Variants in SGSM2 observed in about 807,000 individuals in gnomAD.
SGSM2 encodes the protein small G protein signaling modulator 2.
In SGSM2, 89 loss-of-function variants were observed where a neutral mutation model predicts 126.6. That is an observed-to-expected ratio of 0.70 (90% CI 0.59 to 0.84). SGSM2 has a LOEUF of 0.84. Among genes scored for constraint, SGSM2 ranks in the 40% least tolerant of loss-of-function variants. The pLI is 0.00. For synonymous variants in SGSM2, 614 were observed against 574.3 expected (o/e 1.07, Z -0.99); for missense variants, 1,404 against 1,416.6 (o/e 0.99, Z 0.14).
chr17:2,355,681 A>G (rs367800963), intron 2 of SGSM2, among the ~76,000 whole-genome samples: 2 of 576 alleles, frequency 3.5e-3, no homozygotes, highest in Non-Finnish European at 3.2e-3. Context: ...GGGGTGTAAG[A>G]GTTGGGGGAA....
Position 2,364,127 on chromosome 17 carries a change from G to A in SGSM2, c.876G>A (p.Lys292=), listed in dbSNP as rs2065448419. The A allele has an allele frequency of 6.2e-7, 1 of 1,614,080 alleles. No homozygotes were observed. Among genetic ancestry groups the A allele is most frequent in the South Asian group, 1.1e-5 (1 of 91,082 alleles). Residue 292 remains lysine, a synonymous_variant, in exon 8 of 24, where the codon AAG becomes AAA. Coordinates refer to ENST00000268989, the MANE Select transcript of SGSM2 (RefSeq NM_014853.3). ...LHQSAESLTL[K]WTPNQLMNGT... ...AGTCTGCAGAGAGCCTGACTCTGAA[G>A]TGGACCCCCAACCAGCTCATGAATG...
In SGSM2 at chr17:2,337,834, G is replaced by A; in HGVS notation, c.57+89G>A. 9.7e-7 allele frequency: 1 copy of A among 1,029,700 alleles called. No individual in the cohort carries two copies. The allele number at this position is 1,029,700 out of a possible 1,614,324, so 63.8% of individuals were successfully genotyped here. A position where few individuals can be genotyped will look rare whatever the true frequency, so the allele number is the denominator to read the frequency against. The stretch of plus-strand genomic sequence containing the variant: ...AGGTCCGCGCCCACCCCCCGGCGCG[G>A]GCACCCGGGCCGAACCTGGGCCGGG... On this transcript the variant is annotated intron_variant, in intron 1 of 23. Coordinates refer to ENST00000268989, the MANE Select transcript of SGSM2 (RefSeq NM_014853.3). The surrounding 1 kb of genome is among the most constrained non-coding windows in gnomAD (Gnocchi z 5.1).
chr17:2,362,047 G>A lies in SGSM2; in HGVS notation c.297-62G>A, dbSNP rs1242754824. On this transcript the variant is annotated intron_variant, in intron 3 of 23. Coordinates refer to ENST00000268989, the MANE Select transcript of SGSM2 (RefSeq NM_014853.3). This position sits in a 1 kb window ranked among gnomAD's most constrained non-coding sequence, Gnocchi z 4.9. The stretch of plus-strand genomic sequence containing the variant: ...TGGGGTACCAAGCCCCACTCCCAAT[G>A]CCAGCATTCTGGGGTTTACCCCTAG... 1.9e-6 allele frequency: 3 copies of A among 1,547,276 alleles called. No individual in the cohort carries two copies. The African/African-American group carries it at 4.1e-5, about 21-fold the overall frequency.
chr17:2,360,736 A>G (rs1352160883), intron 2 of SGSM2, among the ~76,000 whole-genome samples: 3 of 152,222 alleles, frequency 2.0e-5, no homozygotes, highest in Non-Finnish European at 4.4e-5. Context: ...GTCCGTGTGA[A>G]AAAACCACCT....
chr17:2,342,153 A>C lies in SGSM2; in HGVS notation c.58-1392A>C, dbSNP rs371622418. Among the ~76,000 whole-genome samples the C allele has an allele frequency of 1.8e-4, 28 of 152,030 alleles. 1 individual carries two copies. The South Asian group carries it at 5.6e-3, about 30-fold the overall frequency. On this transcript the variant is annotated intron_variant, in intron 1 of 23. Coordinates refer to ENST00000268989, the MANE Select transcript of SGSM2 (RefSeq NM_014853.3). ...CCCAGGCCGGGTGTGGTGGCGGCTC[A>C]CACCTGTAATCCCAGCACTTTGGGA...
chr17:2,379,281 A>T (rs2066315886), intron 23 of SGSM2, 78 bp downstream of exon 23: 2 of 1,573,220 alleles, frequency 1.3e-6, no homozygotes, highest in East Asian at 4.5e-5. Context: ...ACACAGCTGG[A>T]GGGTTCTCAG....
intron 2 of SGSM2, among the ~76,000 whole-genome samples, chr17:2,352,120 A>T (rs775463067): frequency 6.6e-6 from 1 of 152,136 alleles, no homozygotes; most frequent in African/African-American, 2.4e-5. Context: ...TTCCACCGGC[A>T]GTTGGAGTAA....
intron 2 of SGSM2, among the ~76,000 whole-genome samples, chr17:2,345,423 C>G (rs924592105): frequency 6.6e-6 from 1 of 151,736 alleles, no homozygotes; most frequent in Non-Finnish European, 1.5e-5. Context: ...GGTGAAACCC[C>G]GTCTCTACTA....
rs572752112 is a variant in SGSM2 at position 2,361,839 on chromosome 17, C to T, written c.296+40C>T. 6 of 1,552,832 alleles carry T rather than the reference C, an allele frequency of 3.9e-6. No individual in the cohort carries two copies. The African/African-American group carries it at 4.1e-5, about 11-fold the overall frequency. ...AGCCCCTTCTTCCCTCCTTTCAGCT[C>T]TTCCCACTTGGCAATTGCTACTTCC... On this transcript the variant is annotated intron_variant, in intron 3 of 23. Transcript: ENST00000268989.
rs2065436925 is a variant in SGSM2, at chr17:2,363,914, G to C, written c.808-145G>C. 2 of 971,498 alleles carry C rather than the reference G, an allele frequency of 2.1e-6. No homozygotes were observed. The highest frequency in any genetic ancestry group is 1.6e-5 in the African/African-American group (1 of 61,594). The allele number at this position is 971,498 out of a possible 1,614,324, so 60.2% of individuals were successfully genotyped here. On this transcript the variant is annotated intron_variant, in intron 7 of 23. Coordinates refer to ENST00000268989, the MANE Select transcript of SGSM2 (RefSeq NM_014853.3). The surrounding 1 kb of genome is among the most constrained non-coding windows in gnomAD (Gnocchi z 4.2). ...CAGGGAAACTGAGTCCTGTTTTCCT[G>C]TGCTTCTGCCCCGTCCCTAGTCCAG...
In SGSM2 at chr17:2,340,806, G is replaced by C. The variant is rs147368992; in HGVS notation, c.58-2739G>C. The stretch of plus-strand genomic sequence containing the variant: ...TCACCATGTTAGCCAGGATGGTCTC[G>C]ATCTCCTGACCTCGTGATCCGCCCA... On this transcript the variant is annotated intron_variant, in intron 1 of 23. Coordinates refer to ENST00000268989, the MANE Select transcript of SGSM2 (RefSeq NM_014853.3). Among the ~76,000 whole-genome samples, 333 of 152,108 alleles carry C rather than the reference G, an allele frequency of 2.2e-3. 1 individual carries two copies. Among genetic ancestry groups the C allele is most frequent in the African/African-American group, 4.0e-3 (165 of 41,518 alleles).
chr17:2,345,200 C>T (rs962770945), intron 2 of SGSM2, among the ~76,000 whole-genome samples: 5 of 152,160 alleles, frequency 3.3e-5, no homozygotes, highest in Middle Eastern at 3.2e-3. Flanking sequence ...CAGTGGCTCA[C>T]GCCTGTAATC....
At chr17:2,353,507 A>C (rs1025337201) in intron 2 of SGSM2, among the ~76,000 whole-genome samples, 3 of 152,224 alleles carry the variant, frequency 2.0e-5, no homozygotes, top group African/African-American at 7.2e-5. Flanking sequence ...TCACACCTGT[A>C]ATCCCAGCAC....
At position 2,337,548 on chromosome 17, in the gene SGSM2, T is replaced by TGCGGCG. The variant is rs536747389; in HGVS notation, c.-124_-119dup. On this transcript the variant is annotated 5_prime_UTR_variant, in exon 1 of 24. Coordinates refer to ENST00000268989, the MANE Select transcript of SGSM2 (RefSeq NM_014853.3). This position sits in a 1 kb window ranked among gnomAD's most constrained non-coding sequence, Gnocchi z 5.1. The stretch of plus-strand genomic sequence containing the variant: ...GCGGAGCCGAGCACCGGGCAGTGGC[T>TGCGGCG]GCGGCGGCGGCGGCGGCGGCGGGCC... The TGCGGCG allele has an allele frequency of 8.7e-5, 25 of 286,710 alleles. No individual in the cohort carries two copies. The Admixed American group carries it at 1.0e-3, about 12-fold the overall frequency. The allele number at this position is 286,710 out of a possible 1,614,324, so 17.8% of individuals were successfully genotyped here.
At chr17:2,338,472 C>T (rs568077772) in intron 1 of SGSM2, among the ~76,000 whole-genome samples, 1 of 152,242 alleles carries the variant, frequency 6.6e-6, no homozygotes, top group African/African-American at 2.4e-5. Flanking sequence ...GAATGACTCA[C>T]TCCCATATGA....
At chr17:2,352,114 A>T (rs2064878995) in intron 2 of SGSM2, among the ~76,000 whole-genome samples, 1 of 152,060 alleles carries the variant, frequency 6.6e-6, no homozygotes, top group African/African-American at 2.4e-5. Flanking sequence ...GGCTCCTTCC[A>T]CCGGCAGTTG....
chr17:2,352,531 A>C lies in SGSM2; in HGVS notation c.133+8911A>C, dbSNP rs2064900357. 3.9e-5 allele frequency among the ~76,000 whole-genome samples: 6 copies of C among 152,204 alleles called. No homozygotes were observed. In the South Asian group the frequency reaches 1.2e-3, roughly 32 times the overall value. On this transcript the variant is annotated intron_variant, in intron 2 of 23. Coordinates refer to ENST00000268989, the MANE Select transcript of SGSM2 (RefSeq NM_014853.3). ...GGCCCAGCATCTCAGGCCCAGTTTC[A>C]TGTTGAGTTGTGCTAACTCTGTCCC...
At chr17:2,344,714 ATG>A (rs2064519857) in intron 2 of SGSM2, among the ~76,000 whole-genome samples, 1 of 83,134 alleles carries the variant, frequency 1.2e-5, no homozygotes, top group Non-Finnish European at 2.8e-5. Flanking sequence ...AAGAAAAAAC[ATG>A]TGGGAGGGCA....
chr17:2,379,340 G>A (rs2066318367), intron 23 of SGSM2, 92 bp from the exon 24 acceptor site: 1 of 1,564,516 alleles, frequency 6.4e-7, no homozygotes, highest in South Asian at 1.1e-5. Context: ...GAATCTAGCA[G>A]AGCAGATGGA....
Sources: gnomAD v4.1 joint callset for allele counts (sites outside exome capture counted in the v4.1 genomes callset) on GRCh38, gnomAD v4.1.1 for gene constraint, Gnocchi (gnomAD v3.1) non-coding constraint, MANE v1.5 for transcripts, NCBI Gene and HGNC (gene_info 2026-07-23, HGNC 2026-07-21) for gene names.